SCRG1: variants seen among roughly 807,000 people sequenced by gnomAD.
The protein encoded by SCRG1 is scrapie-responsive protein 1.
Under a neutral mutation model 7.7 loss-of-function variants are expected in SCRG1, and 3 were observed. The observed-to-expected ratio is 0.39, with a 90% CI of 0.18 to 1.01. The LOEUF is 1.01. SCRG1 is among the 50% of genes least tolerant of loss of function. The pLI, the probability that SCRG1 is intolerant of heterozygous loss-of-function variation, is 0.36. For missense variants in SCRG1, 110 were observed against 117.2 expected (o/e 0.94, Z 0.28); for synonymous variants, 46 against 41.2 (o/e 1.12, Z -0.44).
chr4:173,391,465 GTTTTTTAAAGATAGAAT>G, intron 1 of SCRG1, 37 bp from the exon 2 acceptor site: 1 of 1,603,294 alleles, frequency 6.2e-7, no homozygotes, highest in Non-Finnish European at 8.5e-7. Flanking sequence ...GTCAATGTTT[GTTTTTTAAAGATAGAAT>G]TCATCTGAAT....
the SCRG1 span, among the ~76,000 whole-genome samples, chr4:173,485,089 T>TATATATTATATATTATATATTATATA: frequency 4.2e-4 from 2 of 4,728 alleles, no homozygotes; most frequent in Non-Finnish European, 8.3e-4. Context: ...TATAATATAT[T>TATATATTATATATTATATATTATATA]ATATATTATA....
chr4:173,504,676 A>AT, the SCRG1 span, among the ~76,000 whole-genome samples: 3 of 152,040 alleles, frequency 2.0e-5, no homozygotes, highest in African/African-American at 7.3e-5. This position sits in a 1 kb window ranked among gnomAD's most constrained non-coding sequence, Gnocchi z 4.7. Context: ...GAATTTCTTG[A>AT]TTTTTAGAGT....
At chr4:173,512,578 G>A in the SCRG1 span, among the ~76,000 whole-genome samples, 3 of 152,250 alleles carry the variant, frequency 2.0e-5, no homozygotes, top group Admixed American at 2.0e-4. Flanking sequence ...AGGAGCAGCT[G>A]AGGGGAGCAT....
chr4:173,467,235 G>A, the SCRG1 span, among the ~76,000 whole-genome samples: 1 of 151,290 alleles, frequency 6.6e-6, no homozygotes, highest in Non-Finnish European at 1.5e-5. Context: ...CAGTCCATTG[G>A]AAAAAAAAAG....
At chr4:173,431,994 C>A in the SCRG1 span, among the ~76,000 whole-genome samples, 3 of 152,210 alleles carry the variant, frequency 2.0e-5, no homozygotes, top group South Asian at 2.1e-4. Flanking sequence ...GCTTAAGAAA[C>A]TTCCAGATTT....
At chr4:173,497,196 A>G in the SCRG1 span, among the ~76,000 whole-genome samples, 1 of 152,176 alleles carries the variant, frequency 6.6e-6, no homozygotes, top group Non-Finnish European at 1.5e-5. Flanking sequence ...ACCTAGACTT[A>G]AATGCAGAAA....
chr4:173,476,363 A>AAAAAAAAATATATATATATATAC, the SCRG1 span, among the ~76,000 whole-genome samples: 1 of 98,484 alleles, frequency 1.0e-5, no homozygotes, highest in Admixed American at 1.2e-4. Flanking sequence ...GGAAAAAAAA[A>AAAAAAAAATATATATATATATAC]ATATATATAT....
the SCRG1 span, among the ~76,000 whole-genome samples, chr4:173,516,014 G>T: frequency 6.6e-6 from 1 of 152,036 alleles, no homozygotes; most frequent in Non-Finnish European, 1.5e-5. Context: ...AAAACCCAAG[G>T]GGCCCAACTG....
At chr4:173,447,977 A>G in the SCRG1 span, among the ~76,000 whole-genome samples, 1 of 152,156 alleles carries the variant, frequency 6.6e-6, no homozygotes, top group East Asian at 1.9e-4. Flanking sequence ...GGTGGCATGC[A>G]TCTGTAATCC....
the SCRG1 span, among the ~76,000 whole-genome samples, chr4:173,477,450 G>T: frequency 2.6e-5 from 4 of 152,060 alleles, no homozygotes; most frequent in African/African-American, 9.7e-5. Flanking sequence ...AAATGTTTTG[G>T]GGTTGGGGGT....
intron 1 of SCRG1, among the ~76,000 whole-genome samples, chr4:173,405,308 G>C (rs1470276644): frequency 1.3e-5 from 2 of 152,216 alleles, no homozygotes; most frequent in Admixed American, 6.5e-5. Context: ...CAGAGTTAAA[G>C]TGCCATTTCC....
At chr4:173,516,423 T>C in the SCRG1 span, among the ~76,000 whole-genome samples, 1 of 152,244 alleles carries the variant, frequency 6.6e-6, no homozygotes, top group Admixed American at 6.5e-5. Flanking sequence ...ATGATTATTT[T>C]CCTCCTTTTT....
the SCRG1 span, among the ~76,000 whole-genome samples, chr4:173,483,277 A>ATATATT: frequency 9.9e-5 from 4 of 40,572 alleles, no homozygotes; most frequent in Non-Finnish European, 1.9e-4. Context: ...TATGATATAT[A>ATATATT]ATATATGATA....
Position 173,391,175 on chromosome 4 carries a change from T to C in SCRG1, c.240A>G (p.Pro80=), listed in dbSNP as rs751748002. ...YCNFSELLCC[P]KDVFFGPKIS... is the part of the protein sequence containing the mutation. ...ACTTTGTGATACCATTTCCTTACTT[T>C]GGGCAGCAGAGCAATTCGCTGAAGT... Residue 80 remains proline, a splice_region_variant and synonymous_variant, in exon 2 of 3, where the codon CCA becomes CCG. Coordinates refer to ENST00000296506, the MANE Select transcript of SCRG1 (RefSeq NM_007281.4). The C allele has an allele frequency of 5.6e-6, 9 of 1,613,902 alleles. No homozygotes were observed. The East Asian group carries it at 2.0e-4, about 36-fold the overall frequency.
At chr4:173,441,862 C>T in the SCRG1 span, among the ~76,000 whole-genome samples, 3 of 152,100 alleles carry the variant, frequency 2.0e-5, no homozygotes, top group African/African-American at 7.2e-5. Flanking sequence ...CTGAGCAATA[C>T]AGCAAGACCC....
At chr4:173,475,602 A>C in the SCRG1 span, among the ~76,000 whole-genome samples, 1 of 152,246 alleles carries the variant, frequency 6.6e-6, no homozygotes, top group African/African-American at 2.4e-5. Flanking sequence ...TGCATCCAAA[A>C]GGATTAAAAG....
At chr4:173,484,436 C>CATATAATATATAATATATATTATATAT in the SCRG1 span, among the ~76,000 whole-genome samples, 3 of 50,606 alleles carry the variant, frequency 5.9e-5, no homozygotes, top group African/African-American at 8.4e-5. Flanking sequence ...ATATTATATA[C>CATATAATATATAATATATATTATATAT]ATATGATATA....
the SCRG1 span, among the ~76,000 whole-genome samples, chr4:173,502,100 C>A: frequency 1.6e-4 from 25 of 152,078 alleles, no homozygotes; most frequent in African/African-American, 6.0e-4. This position sits in a 1 kb window ranked among gnomAD's most constrained non-coding sequence, Gnocchi z 4.6. Context: ...CAAAGGCATC[C>A]GGAGAAGAAT....
the SCRG1 span, among the ~76,000 whole-genome samples, chr4:173,455,356 G>T: frequency 1.3e-5 from 2 of 152,146 alleles, no homozygotes; most frequent in African/African-American, 2.4e-5. Context: ...CTTTCCAGCG[G>T]GGACTAAACA....
Sources: gnomAD v4.1 joint callset for allele counts (sites outside exome capture counted in the v4.1 genomes callset) on GRCh38, gnomAD v4.1.1 for gene constraint, Gnocchi (gnomAD v3.1) non-coding constraint, MANE v1.5 for transcripts, NCBI Gene and HGNC (gene_info 2026-07-23, HGNC 2026-07-21) for gene names.